The following TRPM7 variants were observed in gnomAD, a reference collection of about 807,000 sequenced individuals.
The protein encoded by TRPM7 is LTRPC ion channel family member 7.
Under a neutral mutation model 229.7 loss-of-function variants are expected in TRPM7, and 134 were observed. That is an observed-to-expected ratio of 0.58 (90% CI 0.51 to 0.67). The LOEUF (loss-of-function observed/expected upper bound fraction) is 0.67, where lower values mean the gene tolerates loss of function less well. Among genes scored for constraint, TRPM7 ranks in the 30% least tolerant of loss-of-function variants. The pLI is 0.00. For synonymous variants in TRPM7, 699 were observed against 715.2 expected (o/e 0.98, Z 0.36); for missense variants, 1,901 against 2,210.0 (o/e 0.86, Z 2.80).
intron 1 of TRPM7, among the ~76,000 whole-genome samples, chr15:50,664,626 G>A (rs985165776): frequency 1.3e-5 from 2 of 152,154 alleles, no homozygotes; most frequent in African/African-American, 4.8e-5. Flanking sequence ...TAGGCTCACA[G>A]AAGATTAACA....
chr15:50,684,845 T>C (rs1055459742), intron 1 of TRPM7, among the ~76,000 whole-genome samples: 2 of 152,174 alleles, frequency 1.3e-5, no homozygotes, highest in Non-Finnish European at 2.9e-5. Context: ...CCAAATGCTA[T>C]GTGCAGAATT....
chr15:50,665,916 G>A (rs543613415), intron 1 of TRPM7, among the ~76,000 whole-genome samples: 65 of 152,032 alleles, frequency 4.3e-4, no homozygotes, highest in African/African-American at 1.5e-3. Flanking sequence ...CTGCTTGAAC[G>A]TGGAAGGCAG....
intron 13 of TRPM7, 97 bp downstream of exon 13, chr15:50,619,648 T>C: frequency 9.2e-7 from 1 of 1,083,514 alleles, no homozygotes; most frequent in Non-Finnish European, 1.3e-6. Context: ...TTATTGGTAT[T>C]TCTAAAATGT....
At chr15:50,655,850 C>A (rs1384170375) in intron 3 of TRPM7, among the ~76,000 whole-genome samples, 2 of 151,990 alleles carry the variant, frequency 1.3e-5, no homozygotes, top group African/African-American at 2.4e-5. Context: ...ATTAGCCAGG[C>A]ATGGTGGTGT....
intron 2 of TRPM7, among the ~76,000 whole-genome samples, chr15:50,660,840 AG>A (rs2061703431): frequency 1.3e-5 from 2 of 152,238 alleles, no homozygotes; most frequent in Non-Finnish European, 2.9e-5. Context: ...AATATAAAAA[AG>A]GTTTTATCCA....
intron 27 of TRPM7, 37 bp from the exon 28 acceptor site, chr15:50,586,525 T>C (rs369016184): frequency 4.1e-5 from 57 of 1,401,534 alleles, no homozygotes; most frequent in Middle Eastern, 4.0e-4. Flanking sequence ...TTGAAAATAA[T>C]TGAACTAAAT....
intron 28 of TRPM7, among the ~76,000 whole-genome samples, chr15:50,583,766 G>A (rs906951067): frequency 6.6e-6 from 1 of 151,874 alleles, no homozygotes; most frequent in East Asian, 1.9e-4. Context: ...TAGAGACTGG[G>A]TTTCTCCTTG....
chr15:50,652,525 CAAAA>C (rs71127103), intron 3 of TRPM7, among the ~76,000 whole-genome samples: 1 of 128,082 alleles, frequency 7.8e-6, no homozygotes, highest in Non-Finnish European at 1.6e-5. Context: ...GACTCTGTCT[CAAAA>C]AAAAAAAAAA....
At chr15:50,635,660 C>T (rs1162535326) in intron 7 of TRPM7, among the ~76,000 whole-genome samples, 2 of 96,022 alleles carry the variant, frequency 2.1e-5, no homozygotes, top group Non-Finnish European at 3.8e-5. Flanking sequence ...AAGACTCCAT[C>T]TCCCAAAAAA....
chr15:50,587,405 C>CTT (rs34826776), intron 27 of TRPM7, among the ~76,000 whole-genome samples: 11,627 of 91,568 alleles, frequency 0.13, 2,082 homozygotes, highest in East Asian at 0.41. Context: ...ATAAATACTG[C>CTT]TTTTTTTTTT....
rs2053197363 is a variant in TRPM7 at position 50,558,293 on chromosome 15, TACC to T, written c.*3382_*3384del. ...GTGCAGCAATTCATGCCTGCAATTC[TACC>T]ACTTTGGGAAGCTCAGGCGAGAGGA... On this transcript the variant is annotated 3_prime_UTR_variant, in exon 39 of 39. Coordinates refer to ENST00000646667, the MANE Select transcript of TRPM7 (RefSeq NM_017672.6). The T allele has an allele frequency of 6.6e-6, 1 of 152,294 alleles. No homozygotes were observed. The allele number at this position is 152,294 out of a possible 1,614,324, so 9.4% of individuals were successfully genotyped here. A position where few individuals can be genotyped will look rare whatever the true frequency, so the allele number is the denominator to read the frequency against.
chr15:50,604,623 G>C (rs945567427), intron 21 of TRPM7: 1 of 276,032 alleles, frequency 3.6e-6, no homozygotes, highest in African/African-American at 2.2e-5. Flanking sequence ...GGAAAAAGGA[G>C]TTACCTACAG....
intron 36 of TRPM7, among the ~76,000 whole-genome samples, 157 bp from the exon 37 acceptor site, chr15:50,570,312 T>A (rs2053814316): frequency 6.6e-6 from 1 of 152,170 alleles, no homozygotes; most frequent in South Asian, 2.1e-4. Context: ...TCTCTTTTGA[T>A]ATTTCATAAC....
intron 10 of TRPM7, among the ~76,000 whole-genome samples, chr15:50,628,689 G>A (rs1173336071): frequency 6.6e-6 from 1 of 152,186 alleles, no homozygotes; most frequent in African/African-American, 2.4e-5. Context: ...GCCTGCCTCA[G>A]AGATAAGATT....
chr15:50,635,974 A>C (rs1056569098), intron 7 of TRPM7, among the ~76,000 whole-genome samples: 1 of 151,752 alleles, frequency 6.6e-6, no homozygotes, highest in East Asian at 1.9e-4. Context: ...GCGAGACTCC[A>C]TCTCAAAAAA....
At chr15:50,606,249 C>T (rs1244076934) in intron 20 of TRPM7, among the ~76,000 whole-genome samples, 7 of 151,834 alleles carry the variant, frequency 4.6e-5, no homozygotes, top group African/African-American at 1.2e-4. Flanking sequence ...CTTGGTGGCA[C>T]GCACCTGTAA....
chr15:50,613,145 TGGA>T (rs964040464), intron 15 of TRPM7, among the ~76,000 whole-genome samples: 7 of 152,162 alleles, frequency 4.6e-5, no homozygotes, highest in African/African-American at 1.2e-4. Flanking sequence ...CAAGTAAAAC[TGGA>T]ATGAAAGGAG....
intron 28 of TRPM7, 28 bp from the exon 29 acceptor site, chr15:50,583,187 AG>A: frequency 6.5e-7 from 1 of 1,550,196 alleles, no homozygotes; most frequent in Non-Finnish European, 8.8e-7. Context: ...AATATAAAAA[AG>A]CTACACAACT....
intron 23 of TRPM7, 128 bp from the exon 24 acceptor site, chr15:50,594,741 T>C: frequency 1.6e-6 from 1 of 611,256 alleles, no homozygotes; most frequent in Non-Finnish European, 2.6e-6. Flanking sequence ...TAAACAAAAC[T>C]AATAGCAAAT....
Sources: gnomAD v4.1 joint callset for allele counts (sites outside exome capture counted in the v4.1 genomes callset) on GRCh38, gnomAD v4.1.1 for gene constraint, MANE v1.5 for transcripts, NCBI Gene and HGNC (gene_info 2026-07-23, HGNC 2026-07-21) for gene names.